Variants in DLG2 observed in about 807,000 individuals in gnomAD.
DLG2 encodes disks large homolog 2.
In DLG2, 45 loss-of-function variants were observed where a neutral mutation model predicts 132.5. The ratio of observed to expected loss-of-function variants is 0.34; its 90% CI spans 0.27 to 0.44. DLG2 has a LOEUF of 0.44. DLG2 is among the 20% of genes least tolerant of loss of function. The pLI is 1.00. For missense variants in DLG2, 1,045 were observed against 1,196.9 expected (o/e 0.87, Z 1.87); for synonymous variants, 424 against 419.6 (o/e 1.01, Z -0.13).
In DLG2 at chr11:85,324,354, C is replaced by T. The variant is rs150984001; in HGVS notation, c.41-38989G>A. ...TAGACTATAAGTTTCATAGAGGTAG[C>T]CTTATATTTCTATCACCATTATATC... is the stretch of plus-strand genomic sequence containing the variant. On this transcript the variant is annotated intron_variant, in intron 3 of 27. Coordinates refer to ENST00000376104, the MANE Select transcript of DLG2 (RefSeq NM_001142699.3). Among the ~76,000 whole-genome samples the T allele has an allele frequency of 2.8e-3, 429 of 152,136 alleles. 1 individual carries two copies. Among genetic ancestry groups the T allele is most frequent in the African/African-American group, 0.01 (418 of 41,484 alleles).
chr11:85,303,298 C>G lies in DLG2; in HGVS notation c.41-17933G>C, dbSNP rs149868412. 2.6e-5 allele frequency among the ~76,000 whole-genome samples: 4 copies of G among 152,268 alleles called. 1 individual carries two copies. In the East Asian group the frequency reaches 7.7e-4, roughly 29 times the overall value. ...GTTTTCCAACCTTGGAATTGTTACC[C>G]TACCATATGTATCTTAATCATATCT... On this transcript the variant is annotated intron_variant, in intron 3 of 27. Transcript: ENST00000376104.
intron 3 of DLG2, among the ~76,000 whole-genome samples, chr11:85,442,452 A>T (rs1307345357): frequency 6.6e-6 from 1 of 152,210 alleles, no homozygotes; most frequent in Admixed American, 6.5e-5. Context: ...GGATGAAAAG[A>T]AAGTGGAATC....
At chr11:85,556,972 A>C (rs998344393) in intron 3 of DLG2, among the ~76,000 whole-genome samples, 2 of 151,976 alleles carry the variant, frequency 1.3e-5, no homozygotes, top group Non-Finnish European at 2.9e-5. Context: ...AGGAAGAAAT[A>C]AAAAGCTCCA....
At chr11:85,543,413 T>C (rs1024973554) in intron 3 of DLG2, among the ~76,000 whole-genome samples, 2 of 152,228 alleles carry the variant, frequency 1.3e-5, no homozygotes, top group Non-Finnish European at 2.9e-5. Flanking sequence ...GGGTTCCAAG[T>C]CTTTGCTAGT....
Position 83,618,895 on chromosome 11 carries a change from A to G in DLG2, c.1940+14316T>C, listed in dbSNP as rs532388824. Among the ~76,000 whole-genome samples the G allele has an allele frequency of 2.0e-5, 3 of 152,296 alleles. 1 individual carries two copies. The South Asian group carries it at 6.2e-4, about 32-fold the overall frequency. On this transcript the variant is annotated intron_variant, in intron 19 of 27. Transcript: ENST00000376104. The stretch of plus-strand genomic sequence containing the variant: ...CCTCTGCATAGGTGTCAGATCCTGG[A>G]GCAGAATTTGTGTTCACAATAATAG...
At chr11:84,510,917 A>T (rs2154513939) in intron 7 of DLG2, among the ~76,000 whole-genome samples, 1 of 152,230 alleles carries the variant, frequency 6.6e-6, no homozygotes, top group Non-Finnish European at 1.5e-5. Flanking sequence ...ACTCCCCCAT[A>T]CAGGGACAGA....
intron 10 of DLG2, among the ~76,000 whole-genome samples, chr11:84,088,533 C>T (rs1330789931): frequency 6.6e-6 from 1 of 152,174 alleles, no homozygotes; most frequent in Non-Finnish European, 1.5e-5. Context: ...GCCTGATGTT[C>T]TACCAGATGT....
chr11:85,274,150 T>A (rs1395874811), intron 4 of DLG2, among the ~76,000 whole-genome samples: 1 of 152,108 alleles, frequency 6.6e-6, no homozygotes, highest in African/African-American at 2.4e-5. Context: ...ATATACCTAA[T>A]GTAAATGATG....
At chr11:84,033,511 A>G (rs1208503185) in intron 11 of DLG2, among the ~76,000 whole-genome samples, 1 of 152,240 alleles carries the variant, frequency 6.6e-6, no homozygotes, top group South Asian at 2.1e-4. Flanking sequence ...TTGAGATGGA[A>G]CCTACTCCTC....
intron 19 of DLG2, among the ~76,000 whole-genome samples, chr11:83,583,881 G>A (rs2097029741): frequency 6.6e-6 from 1 of 152,202 alleles, no homozygotes; most frequent in African/African-American, 2.4e-5. Flanking sequence ...TGTATCAGAT[G>A]TTTTGACACA....
chr11:85,595,709 T>C (rs2079703644), intron 3 of DLG2, among the ~76,000 whole-genome samples: 1 of 152,222 alleles, frequency 6.6e-6, no homozygotes, highest in South Asian at 2.1e-4. Flanking sequence ...TCATTCTCCA[T>C]GCTTATCAGG....
At chr11:84,923,893 T>C (rs2092879069) in intron 6 of DLG2, among the ~76,000 whole-genome samples, 1 of 152,120 alleles carries the variant, frequency 6.6e-6, no homozygotes, top group African/African-American at 2.4e-5. Context: ...CATAATAAAA[T>C]GATGTGGCCA....
In DLG2 at chr11:85,408,391, T is replaced by TTTA. The variant is rs368903660; in HGVS notation, c.41-123029_41-123027dup. ...TTGTAAATTGTTTTGTACTATTATT[T>TTTA]TTATTATTATTATTATTATTATACT... On this transcript the variant is annotated intron_variant, in intron 3 of 27. Coordinates refer to ENST00000376104, the MANE Select transcript of DLG2 (RefSeq NM_001142699.3). Among the ~76,000 whole-genome samples the TTTA allele has an allele frequency of 1.8e-3, 276 of 149,910 alleles. 1 individual carries two copies. The highest frequency in any genetic ancestry group is 0.018 in the Middle Eastern group (5 of 280).
chr11:84,218,152 T>G (rs1430535731), intron 8 of DLG2, among the ~76,000 whole-genome samples: 1 of 146,522 alleles, frequency 6.8e-6, no homozygotes, highest in Non-Finnish European at 1.5e-5. Context: ...TGGGTGACAG[T>G]GCAGGCTCTG....
chr11:83,552,528 G>A (rs949021600), intron 19 of DLG2, among the ~76,000 whole-genome samples: 11 of 152,130 alleles, frequency 7.2e-5, no homozygotes, highest in African/African-American at 2.2e-4. Context: ...ATGGGGAGAT[G>A]ATTCATCCAG....
intron 4 of DLG2, among the ~76,000 whole-genome samples, chr11:85,166,605 G>T (rs1204637629): frequency 6.6e-6 from 1 of 151,746 alleles, no homozygotes; most frequent in East Asian, 1.9e-4. Context: ...CTTTAATAAT[G>T]ATTAGTCCAC....
chr11:85,248,284 G>A (rs1187809557), intron 4 of DLG2, among the ~76,000 whole-genome samples: 13 of 152,040 alleles, frequency 8.6e-5, no homozygotes, highest in Non-Finnish European at 1.8e-4. Flanking sequence ...TGGTTCTGAT[G>A]TCAGCATATT....
At chr11:85,022,659 G>T (rs2060180609) in intron 6 of DLG2, among the ~76,000 whole-genome samples, 1 of 152,046 alleles carries the variant, frequency 6.6e-6, no homozygotes, top group Non-Finnish European at 1.5e-5. Flanking sequence ...GTTTTCAGAA[G>T]TATTGCTTAT....
intron 3 of DLG2, among the ~76,000 whole-genome samples, chr11:85,348,175 C>T (rs971978650): frequency 6.6e-6 from 1 of 150,608 alleles, no homozygotes; most frequent in Non-Finnish European, 1.5e-5. Flanking sequence ...TTAGTAGAGA[C>T]AGGGTTTCAC....
Sources: allele counts gnomAD v4.1 joint callset (sites outside exome capture counted in the v4.1 genomes callset), GRCh38; gene constraint gnomAD v4.1.1; transcripts MANE v1.5; gene names NCBI Gene and HGNC (gene_info 2026-07-23, HGNC 2026-07-21).